EFCAB14: variants seen among roughly 807,000 people sequenced by gnomAD.
EFCAB14 encodes the protein EF-hand calcium-binding domain-containing protein 14.
A neutral mutation model predicts 56.5 loss-of-function variants in EFCAB14; 43 were observed. That is an observed-to-expected ratio of 0.76 (90% CI 0.60 to 0.98). The LOEUF (loss-of-function observed/expected upper bound fraction) is 0.98, where lower values mean the gene tolerates loss of function less well. Among genes scored for constraint, EFCAB14 ranks in the 50% least tolerant of loss-of-function variants. The pLI is 0.00. For missense variants in EFCAB14, 538 were observed against 580.3 expected (o/e 0.93, Z 0.75); for synonymous variants, 235 against 212.9 (o/e 1.10, Z -0.90).
At position 46,718,726 on chromosome 1, in the gene EFCAB14, A is replaced by ATCACCGT. The variant is rs2148853561; in HGVS notation, c.-646_-640dup. 1 of 152,416 alleles carries ATCACCGT rather than the reference A, an allele frequency of 6.6e-6. No homozygotes were observed. The highest frequency in any genetic ancestry group is 2.4e-5 in the African/African-American group (1 of 41,568). The allele number at this position is 152,416 out of a possible 1,614,324, so 9.4% of individuals were successfully genotyped here. On this transcript the variant is annotated 5_prime_UTR_variant, in exon 1 of 11. Coordinates refer to ENST00000371933, the MANE Select transcript of EFCAB14 (RefSeq NM_014774.3). ...AGGAAGCCGGCTGGGGTGTGTGATG[A>ATCACCGT]TCACCGTTCTCCGGCCTCCGTCCTG... is the stretch of plus-strand genomic sequence containing the variant.
chr1:46,689,714 G>C (rs1676960112), intron 5 of EFCAB14, 23 bp from the exon 6 acceptor site: 2 of 1,601,796 alleles, frequency 1.2e-6, no homozygotes, highest in Non-Finnish European at 8.6e-7. Context: ...AAGAAGTTTA[G>C]TGTAGGCAAC....
chr1:46,707,444 A>G (rs2148849327), intron 3 of EFCAB14, among the ~76,000 whole-genome samples: 1 of 152,324 alleles, frequency 6.6e-6, no homozygotes, highest in South Asian at 2.1e-4. Flanking sequence ...TTGACTGACC[A>G]AGGTATTTAA....
At chr1:46,716,469 T>C (rs985962772) in intron 1 of EFCAB14, 26 bp from the exon 2 acceptor site, 1 of 1,613,310 alleles carries the variant, frequency 6.2e-7, no homozygotes, top group African/African-American at 1.3e-5. Context: ...AATTCAACCA[T>C]GAGTACAAAA....
intron 1 of EFCAB14, among the ~76,000 whole-genome samples, chr1:46,716,999 C>G (rs933437997): frequency 1.3e-5 from 2 of 152,310 alleles, no homozygotes; most frequent in Non-Finnish European, 2.9e-5. Flanking sequence ...GGATTTCACA[C>G]AAAACATCAA....
Position 46,707,940 on chromosome 1 carries a change from T to C in EFCAB14, c.446A>G (p.Lys149Arg). 1 of 1,611,566 alleles carries C rather than the reference T, an allele frequency of 6.2e-7. No homozygotes were observed. The highest frequency in any genetic ancestry group is 8.5e-7 in the Non-Finnish European group (1 of 1,179,654). The change falls in exon 3 of 11, where the codon AAA becomes AGA. Residue 149 changes from lysine (K) to arginine (R), a missense_variant. Physicochemically the swap from Lys to Arg is conservative, Grantham distance 26. Coordinates refer to ENST00000371933, the MANE Select transcript of EFCAB14 (RefSeq NM_014774.3). ...KIESGEMGLN[K>R]VWINITEMNK... ...CATTTCTGTGATGTTTATCCAGACTTTGTTCAAACCCATCTCTCCAGATTC... is the reference window on the plus strand; with the variant it reads ...CATTTCTGTGATGTTTATCCAGACTCTGTTCAAACCCATCTCTCCAGATTC...
At chr1:46,706,345 C>T (rs1480829228) in intron 3 of EFCAB14, among the ~76,000 whole-genome samples, 10 of 152,162 alleles carry the variant, frequency 6.6e-5, no homozygotes, top group Non-Finnish European at 1.3e-4. Context: ...TACTTTGTGT[C>T]TAGCTTCCTG....
At chr1:46,703,917 G>C (rs1677198069) in intron 3 of EFCAB14, among the ~76,000 whole-genome samples, 1 of 152,092 alleles carries the variant, frequency 6.6e-6, no homozygotes, top group African/African-American at 2.4e-5. Context: ...TAAATTATGA[G>C]GATCAACTGC....
chr1:46,681,891 T>C (rs781084346), intron 10 of EFCAB14, among the ~76,000 whole-genome samples: 23 of 151,978 alleles, frequency 1.5e-4, no homozygotes, highest in Non-Finnish European at 3.2e-4. Flanking sequence ...CAAATATTGA[T>C]TTAACAATGG....
rs376205690 is a variant in EFCAB14 at position 46,688,415 on chromosome 1, T to C, written c.925A>G (p.Ile309Val). ...CTCATAGCAACCACATCGCTTTCTA[T>C]CAGGTTGACTCTCTGGGTAAGATTA... The part of the protein sequence containing the change: ...VSNLTQRVNL[I>V]ESDVVAMSKV... The change falls in exon 7 of 11, where the codon ATA becomes GTA. Residue 309 changes from isoleucine (I) to valine (V), a missense_variant. By Grantham distance (29) the Ile-to-Val change is conservative. Coordinates refer to ENST00000371933, the MANE Select transcript of EFCAB14 (RefSeq NM_014774.3). The C allele has an allele frequency of 1.2e-6, 2 of 1,614,006 alleles. No homozygotes were observed. The highest frequency in any genetic ancestry group is 1.7e-6 in the Non-Finnish European group (2 of 1,179,918).
At chr1:46,697,750 C>T (rs1677096641) in intron 3 of EFCAB14, among the ~76,000 whole-genome samples, 1 of 151,458 alleles carries the variant, frequency 6.6e-6, no homozygotes, top group Non-Finnish European at 1.5e-5. Flanking sequence ...TGAAGCTCTG[C>T]TCTCATGGAG....
rs373335812 is a variant in EFCAB14, at chr1:46,689,683, G to C, written c.699C>G (p.His233Gln). 6.2e-7 allele frequency: 1 copy of C among 1,613,656 alleles called. No homozygotes were observed. The highest frequency in any genetic ancestry group is 1.7e-5 in the Admixed American group (1 of 59,982). ...TGCTTCCAGGAGTCTCCTTCAAGAAGTGCTGATTCTGTTAAGAGGAAAGAA... is the reference window on the plus strand; with the variant it reads ...TGCTTCCAGGAGTCTCCTTCAAGAACTGCTGATTCTGTTAAGAGGAAAGAA... ...MELLQSDMNQ[H>Q]FLKETPGSNQ... Residue 233 changes from histidine (H) to glutamine (Q), a missense_variant, in exon 6 of 11, where the codon CAC becomes CAG. Coordinates refer to ENST00000371933, the MANE Select transcript of EFCAB14 (RefSeq NM_014774.3).
rs575219585 is a variant in EFCAB14, at chr1:46,705,369, G to A, written c.480+2537C>T. ...TCCAGTTTCATAGATGAAGCCCTAG[G>A]ACAGAAGCAAACTTTCCTATTTATA... is the stretch of plus-strand genomic sequence containing the variant. On this transcript the variant is annotated intron_variant, in intron 3 of 10. Coordinates refer to ENST00000371933, the MANE Select transcript of EFCAB14 (RefSeq NM_014774.3). 2.0e-5 allele frequency among the ~76,000 whole-genome samples: 3 copies of A among 152,314 alleles called. No individual in the cohort carries two copies. The South Asian group carries it at 6.2e-4, about 32-fold the overall frequency.
chr1:46,681,676 T>C (rs200305764), intron 10 of EFCAB14, among the ~76,000 whole-genome samples: 60 of 149,934 alleles, frequency 4.0e-4, no homozygotes, highest in Non-Finnish European at 7.7e-4. Flanking sequence ...TTTTTTTTTC[T>C]TTTTTTTTGT....
At chr1:46,713,048 A>T (rs185888183) in intron 2 of EFCAB14, among the ~76,000 whole-genome samples, 6,909 of 150,908 alleles carry the variant, frequency 0.046, 190 homozygotes, top group Middle Eastern at 0.082. Flanking sequence ...AAAAAAAAAA[A>T]TTTTTTTTTT....
intron 8 of EFCAB14, chr1:46,686,572 T>TC: frequency 5.4e-6 from 3 of 558,498 alleles, no homozygotes; most frequent in Admixed American, 3.2e-5. Context: ...CTCACTATGG[T>TC]CCCCCCAGCT....
At chr1:46,697,809 T>C (rs1346913773) in intron 3 of EFCAB14, among the ~76,000 whole-genome samples, 2 of 151,890 alleles carry the variant, frequency 1.3e-5, no homozygotes, top group East Asian at 3.9e-4. Context: ...AGAAATCAGA[T>C]TGTAATAAGT....
Position 46,689,673 on chromosome 1 carries a change from C to T in EFCAB14, c.709G>A (p.Glu237Lys), listed in dbSNP as rs1676959010. 1.2e-6 allele frequency: 2 copies of T among 1,613,804 alleles called. No homozygotes were observed. Among genetic ancestry groups the T allele is most frequent in the Non-Finnish European group, 1.7e-6 (2 of 1,179,772 alleles). Residue 237 changes from glutamate (E) to lysine (K), a missense_variant, in exon 6 of 11, where the codon GAG becomes AAG. Transcript: ENST00000371933. ...ATGATCTGGTTGCTTCCAGGAGTCT[C>T]CTTCAAGAAGTGCTGATTCTGTTAA... ...QSDMNQHFLK[E>K]TPGSNQIIPS...
intron 2 of EFCAB14, among the ~76,000 whole-genome samples, chr1:46,710,932 A>G (rs1231897170): frequency 6.6e-6 from 1 of 152,158 alleles, no homozygotes; most frequent in African/African-American, 2.4e-5. Context: ...TTCACTTAAC[A>G]ACGTCCTTCA....
chr1:46,685,835 TA>T (rs1007523334), intron 8 of EFCAB14, among the ~76,000 whole-genome samples: 2 of 152,060 alleles, frequency 1.3e-5, no homozygotes, highest in Admixed American at 6.6e-5. Context: ...AGGTGAGGTT[TA>T]AAAAAAATCT....
Sources: gnomAD v4.1 joint callset for allele counts (sites outside exome capture counted in the v4.1 genomes callset) on GRCh38, gnomAD v4.1.1 for gene constraint, MANE v1.5 for transcripts, NCBI Gene and HGNC (gene_info 2026-07-23, HGNC 2026-07-21) for gene names.